STX17: variants seen among roughly 807,000 people sequenced by gnomAD.
STX17 encodes the protein syntaxin 17.
In STX17, 29 loss-of-function variants were observed where a neutral mutation model predicts 35.9. The ratio of observed to expected loss-of-function variants is 0.81; its 90% CI spans 0.60 to 1.10. The LOEUF (loss-of-function observed/expected upper bound fraction) is 1.10, where lower values mean the gene tolerates loss of function less well. Ranked by LOEUF, STX17 falls within the 50% of genes least tolerant of loss-of-function variation. The pLI, the probability that STX17 is intolerant of heterozygous loss-of-function variation, is 0.00. For missense variants in STX17, 312 were observed against 352.3 expected (o/e 0.89, Z 0.92); for synonymous variants, 92 against 118.3 (o/e 0.78, Z 1.44).
intron 3 of STX17, among the ~76,000 whole-genome samples, chr9:99,930,790 G>C (rs73501554): frequency 1.1e-3 from 169 of 152,114 alleles, no homozygotes; most frequent in African/African-American, 4.0e-3. Flanking sequence ...GGGTACCTTG[G>C]AGATAAATAT....
At chr9:99,943,081 T>C (rs1271570226) in intron 3 of STX17, among the ~76,000 whole-genome samples, 2 of 152,212 alleles carry the variant, frequency 1.3e-5, no homozygotes, top group Admixed American at 6.5e-5. Context: ...AATTAACCTT[T>C]TGCAAATTTA....
At chr9:99,915,715 G>A (rs550486602) in intron 2 of STX17, among the ~76,000 whole-genome samples, 49 of 152,058 alleles carry the variant, frequency 3.2e-4, no homozygotes, top group African/African-American at 1.2e-3. Flanking sequence ...ACCACTATCC[G>A]TGGCTAACTT....
intron 2 of STX17, among the ~76,000 whole-genome samples, chr9:99,918,320 G>T (rs770066506): frequency 6.6e-6 from 1 of 152,012 alleles, no homozygotes. Context: ...TTGTAGAGAC[G>T]GGGTCTCACT....
At position 99,971,905 on chromosome 9, in the gene STX17, G is replaced by A. The variant is rs1053668119; in HGVS notation, c.*3232G>A. On this transcript the variant is annotated 3_prime_UTR_variant, in exon 8 of 8. Transcript: ENST00000259400. Reference sequence around the variant, plus strand: ...GGGTGTGGCATAGCACACACCTGTGGTCCCAGCTACATGGGAAGCTGAAGT... The same window carrying A: ...GGGTGTGGCATAGCACACACCTGTGATCCCAGCTACATGGGAAGCTGAAGT... Among the ~76,000 whole-genome samples the A allele has an allele frequency of 6.6e-6, 1 of 152,072 alleles. No homozygotes were observed. The highest frequency in any genetic ancestry group is 2.4e-5 in the African/African-American group (1 of 41,406).
chr9:99,928,927 T>A, intron 3 of STX17, 84 bp downstream of exon 3: 1 of 1,213,618 alleles, frequency 8.2e-7, no homozygotes, highest in Non-Finnish European at 1.2e-6. Context: ...CCTTTGCAGC[T>A]GAACCCTTTT....
At chr9:99,949,702 GA>G (rs1829554071) in intron 3 of STX17, among the ~76,000 whole-genome samples, 1 of 151,884 alleles carries the variant, frequency 6.6e-6, no homozygotes, top group Admixed American at 6.6e-5. Context: ...CACTTTAGGG[GA>G]AAATAATTTA....
intron 2 of STX17, 23 bp downstream of exon 2, chr9:99,915,385 A>G: frequency 6.4e-7 from 1 of 1,572,504 alleles, no homozygotes; most frequent in South Asian, 1.2e-5. Context: ...ATTTACTACC[A>G]CAAGAAATAG....
rs1345872071 is a variant in STX17, at chr9:99,959,112, A to G, written c.416-805A>G. On this transcript the variant is annotated intron_variant, in intron 4 of 7. Transcript: ENST00000259400. ...AGGATGAAAAATATTAAACCTATTT[A>G]TATAGGTACGTCTCCTTGGAACATT... 2.0e-5 allele frequency among the ~76,000 whole-genome samples: 3 copies of G among 152,242 alleles called. 1 individual carries two copies. The highest frequency in any genetic ancestry group is 3.8e-4 in the East Asian group (2 of 5,206).
intron 7 of STX17, 140 bp downstream of exon 7, chr9:99,967,879 G>A (rs990381989): frequency 4.3e-6 from 3 of 692,064 alleles, no homozygotes; most frequent in African/African-American, 3.6e-5. Flanking sequence ...CATAGGTAGT[G>A]TAAGAAATCA....
chr9:99,962,783 A>ACTTTG (rs1295184635), intron 6 of STX17, among the ~76,000 whole-genome samples: 3 of 152,188 alleles, frequency 2.0e-5, no homozygotes, highest in Non-Finnish European at 4.4e-5. Flanking sequence ...GAATGCTAAT[A>ACTTTG]AGCAAAAGCT....
At chr9:99,965,191 T>A (rs1270830092) in intron 6 of STX17, among the ~76,000 whole-genome samples, 2 of 152,176 alleles carry the variant, frequency 1.3e-5, no homozygotes, top group African/African-American at 2.4e-5. Flanking sequence ...TCAGGATTGG[T>A]TTTTTGCCTG....
chr9:99,911,543 AT>A (rs1306132396), intron 1 of STX17, among the ~76,000 whole-genome samples: 1 of 151,982 alleles, frequency 6.6e-6, no homozygotes, highest in East Asian at 1.9e-4. Context: ...GCTGGATCAT[AT>A]GGTAGTTTTA....
chr9:99,915,009 A>G (rs1828737122), intron 1 of STX17, 169 bp from the exon 2 acceptor site: 2 of 282,018 alleles, frequency 7.1e-6, no homozygotes, highest in South Asian at 1.5e-4. Context: ...TGTAAAGAGA[A>G]AAAGATTTAA....
Position 99,969,709 on chromosome 9 carries a change from G to A in STX17, c.*1036G>A, listed in dbSNP as rs564467485. On this transcript the variant is annotated 3_prime_UTR_variant, in exon 8 of 8. Coordinates refer to ENST00000259400, the MANE Select transcript of STX17 (RefSeq NM_017919.3). ...GGTATCTGACCCAGTCTTCTTTTCA[G>A]CTGGTCTCTGGGGGGAGCTGAGAAC... The A allele has an allele frequency of 6.6e-6, 1 of 152,356 alleles. No homozygotes were observed. The highest frequency in any genetic ancestry group is 1.9e-4 in the East Asian group (1 of 5,158). 9.4% of individuals were successfully genotyped at this position (152,356 alleles called of 1,614,324 possible).
chr9:99,927,854 T>A (rs868370226), intron 2 of STX17, among the ~76,000 whole-genome samples: 113 of 152,340 alleles, frequency 7.4e-4, no homozygotes, highest in African/African-American at 2.5e-3. Flanking sequence ...CAAAAGAAGT[T>A]TTTGCTACAT....
chr9:99,928,400 A>G lies in STX17; in HGVS notation c.124-378A>G, dbSNP rs532313043. 9.8e-4 allele frequency among the ~76,000 whole-genome samples: 149 copies of G among 152,164 alleles called. 2 individuals carry two copies. The highest frequency in any genetic ancestry group is 1.7e-3 in the Non-Finnish European group (113 of 67,968). On this transcript the variant is annotated intron_variant, in intron 2 of 7. Coordinates refer to ENST00000259400, the MANE Select transcript of STX17 (RefSeq NM_017919.3). ...TTAACACTATCATGACAAACGTACA[A>G]TTCTTCATATACAATAAGAATATCT...
chr9:99,961,243 T>C (rs575777261), intron 6 of STX17, among the ~76,000 whole-genome samples: 4 of 152,322 alleles, frequency 2.6e-5, no homozygotes, highest in East Asian at 1.9e-4. Flanking sequence ...AAGATCACTG[T>C]TGGCTTTGTG....
chr9:99,948,517 T>TA (rs1829528968), intron 3 of STX17, among the ~76,000 whole-genome samples: 1 of 152,168 alleles, frequency 6.6e-6, no homozygotes, highest in Non-Finnish European at 1.5e-5. Flanking sequence ...TTGCCTATAC[T>TA]ATTTACTAGC....
chr9:99,941,375 C>T (rs1425969424), intron 3 of STX17, among the ~76,000 whole-genome samples: 1 of 152,196 alleles, frequency 6.6e-6, no homozygotes, highest in Non-Finnish European at 1.5e-5. Context: ...AGTTTTACCC[C>T]TACCCAAATG....
Sources: gnomAD v4.1 joint callset for allele counts (sites outside exome capture counted in the v4.1 genomes callset) on GRCh38, gnomAD v4.1.1 for gene constraint, MANE v1.5 for transcripts, NCBI Gene and HGNC (gene_info 2026-07-23, HGNC 2026-07-21) for gene names.